Variants in CUL5 observed in about 807,000 individuals in gnomAD.
CUL5 encodes the protein cullin 5, also known as cullin-5.
A neutral mutation model predicts 108.8 loss-of-function variants in CUL5; 26 were observed. The ratio of observed to expected loss-of-function variants is 0.24; its 90% CI spans 0.18 to 0.33. The LOEUF (loss-of-function observed/expected upper bound fraction) is 0.33, where lower values mean the gene tolerates loss of function less well. Ranked by LOEUF, CUL5 falls within the 10% of genes least tolerant of loss-of-function variation. The pLI is 1.00. For missense variants in CUL5, 524 were observed against 909.2 expected (o/e 0.58, Z 5.45); for synonymous variants, 334 against 298.0 (o/e 1.12, Z -1.25).
chr11:108,099,661 T>A (rs1259819814), intron 18 of CUL5, among the ~76,000 whole-genome samples: 1 of 152,178 alleles, frequency 6.6e-6, no homozygotes, highest in Non-Finnish European at 1.5e-5. Flanking sequence ...TAAATATATA[T>A]ACCTATGTGA....
At position 108,041,881 on chromosome 11, in the gene CUL5, C is replaced by T. The variant is rs574510897; in HGVS notation, c.135-4389C>T. On this transcript the variant is annotated intron_variant, in intron 2 of 18. Coordinates refer to ENST00000393094, the MANE Select transcript of CUL5 (RefSeq NM_003478.6). ...TGCTGGGATTATAGGCGTGAACCAC[C>T]GCACCAGGCCCCATCAGCTTCTTAA... 6.6e-5 allele frequency among the ~76,000 whole-genome samples: 10 copies of T among 152,264 alleles called. 1 individual carries two copies. Among genetic ancestry groups the T allele is most frequent in the South Asian group, 2.1e-4 (1 of 4,826 alleles).
chr11:108,035,481 A>T (rs1862713122), intron 2 of CUL5, among the ~76,000 whole-genome samples: 2 of 152,140 alleles, frequency 1.3e-5, no homozygotes. Context: ...TTACGCCTGT[A>T]ATCCCAGAAC....
At chr11:108,037,390 C>T (rs1006846983) in intron 2 of CUL5, among the ~76,000 whole-genome samples, 1 of 152,194 alleles carries the variant, frequency 6.6e-6, no homozygotes, top group Non-Finnish European at 1.5e-5. Flanking sequence ...CTAACACCAG[C>T]TGTGTTGGCA....
Position 108,045,042 on chromosome 11 carries a change from C to T in CUL5, c.135-1228C>T, listed in dbSNP as rs1591294668. 3.3e-5 allele frequency among the ~76,000 whole-genome samples: 5 copies of T among 152,252 alleles called. No homozygotes were observed. The South Asian group carries it at 1.0e-3, about 32-fold the overall frequency. On this transcript the variant is annotated intron_variant, in intron 2 of 18. Coordinates refer to ENST00000393094, the MANE Select transcript of CUL5 (RefSeq NM_003478.6). ...CCTCCCCAAGTGCTTGGATTACAGG[C>T]TTGAGCCACTGCCCCTGGCCTACAA... is the stretch of plus-strand genomic sequence containing the variant.
intron 7 of CUL5, among the ~76,000 whole-genome samples, chr11:108,067,305 T>G (rs1863710404): frequency 6.6e-6 from 1 of 152,230 alleles, no homozygotes; most frequent in Non-Finnish European, 1.5e-5. Flanking sequence ...TCCTTTTATT[T>G]CCCTAATCCC....
At chr11:108,024,498 TGTAAA>T (rs1164552647) in intron 1 of CUL5, among the ~76,000 whole-genome samples, 4 of 152,230 alleles carry the variant, frequency 2.6e-5, no homozygotes, top group African/African-American at 9.6e-5. Context: ...AATTCATACT[TGTAAA>T]GTGTTTGGAA....
intron 11 of CUL5, among the ~76,000 whole-genome samples, chr11:108,080,766 T>A (rs1214533879): frequency 2.6e-5 from 4 of 152,210 alleles, no homozygotes; most frequent in African/African-American, 7.2e-5. Flanking sequence ...ATTCTGGTAC[T>A]GGATCCGTAT....
At chr11:108,022,308 C>T (rs906691961) in intron 1 of CUL5, among the ~76,000 whole-genome samples, 10 of 152,052 alleles carry the variant, frequency 6.6e-5, no homozygotes, top group African/African-American at 2.2e-4. Context: ...AAAAATGATT[C>T]TATTGAATCA....
rs756290653 is a variant in CUL5 at position 108,009,305 on chromosome 11, C to T, written c.-44C>T. The T allele has an allele frequency of 1.2e-6, 2 of 1,606,788 alleles. No individual in the cohort carries two copies. Among genetic ancestry groups the T allele is most frequent in the Non-Finnish European group, 1.7e-6 (2 of 1,176,474 alleles). On this transcript the variant is annotated 5_prime_UTR_variant, in exon 1 of 19. Coordinates refer to ENST00000393094, the MANE Select transcript of CUL5 (RefSeq NM_003478.6). The stretch of plus-strand genomic sequence containing the variant: ...TCCGGTCAAGGCCTGGCCGGGAGCG[C>T]CACGAATTCTCGCGTCGTCTCGCGA...
At chr11:108,069,994 TA>T in intron 7 of CUL5, 101 bp from the exon 8 acceptor site, 1 of 656,524 alleles carries the variant, frequency 1.5e-6, no homozygotes, top group Non-Finnish European at 2.6e-6. Flanking sequence ...ACTTTCAGTA[TA>T]ATTTTTTTTT....
chr11:108,013,972 T>C (rs566267355), intron 1 of CUL5, among the ~76,000 whole-genome samples: 2 of 152,314 alleles, frequency 1.3e-5, no homozygotes, highest in Admixed American at 1.3e-4. Flanking sequence ...CAAGGTACCA[T>C]GGAGAATGCA....
Position 108,033,901 on chromosome 11 carries a change from G to T in CUL5, c.124G>T (p.Asp42Tyr). 1 of 1,606,754 alleles carries T rather than the reference G, an allele frequency of 6.2e-7. No homozygotes were observed. The highest frequency in any genetic ancestry group is 8.5e-7 in the Non-Finnish European group (1 of 1,175,544). ...QESVTKQQWF[D>Y]LFSDVHAVCL... ...ATCTGTTACAAAACAGCAGTGGTTTGATCTGTTTTCGTAAGTACCCCACTA... is the reference window on the plus strand; with the variant it reads ...ATCTGTTACAAAACAGCAGTGGTTTTATCTGTTTTCGTAAGTACCCCACTA... Residue 42 changes from aspartate (D) to tyrosine (Y), a missense_variant, in exon 2 of 19, where the codon GAT (aspartate) becomes TAT (tyrosine). Asp to Tyr is a radical substitution (Grantham distance 160, BLOSUM62 -3). Around this residue, in one of 8 missense-constraint regions of CUL5, gnomAD observed 76 missense variants for 90.8 expected, o/e 0.84. Transcript: ENST00000393094.
intron 7 of CUL5, among the ~76,000 whole-genome samples, chr11:108,064,232 C>T (rs2135164027): frequency 6.6e-6 from 1 of 152,294 alleles, no homozygotes; most frequent in Non-Finnish European, 1.5e-5. Context: ...TTGTATCATG[C>T]AGGAATGTTG....
chr11:108,021,730 A>G (rs3858392), intron 1 of CUL5, among the ~76,000 whole-genome samples: 111,505 of 151,958 alleles, frequency 0.73, 41,638 homozygotes, highest in East Asian at 0.93. Flanking sequence ...TGCCCAGGCT[A>G]GTTTCAAACT....
chr11:108,102,564 C>CA (rs779444066), intron 18 of CUL5, among the ~76,000 whole-genome samples: 7 of 151,838 alleles, frequency 4.6e-5, no homozygotes, highest in African/African-American at 1.5e-4. Context: ...CTCCACGACT[C>CA]AAACGATCCA....
intron 14 of CUL5, 105 bp from the exon 15 acceptor site, chr11:108,094,707 A>G: frequency 3.1e-6 from 3 of 982,152 alleles, no homozygotes; most frequent in Non-Finnish European, 4.4e-6. Context: ...ACTTTTAACA[A>G]AATCTTTATA....
chr11:108,095,890 G>A (rs930860396), intron 16 of CUL5, among the ~76,000 whole-genome samples, 199 bp downstream of exon 16: 11 of 151,560 alleles, frequency 7.3e-5, no homozygotes, highest in African/African-American at 2.2e-4. Flanking sequence ...GAGGTCAGGA[G>A]TTCGAGACCA....
rs749490860 is a variant in CUL5 at position 108,073,509 on chromosome 11, T to C, written c.1113+12T>C. On this transcript the variant is annotated intron_variant, in intron 10 of 18. Coordinates refer to ENST00000393094, the MANE Select transcript of CUL5 (RefSeq NM_003478.6). ...CTGCAAGAGATAAGGTATATATTCC[T>C]ATATATATAAAAAACACTTTTAAAA... is the stretch of plus-strand genomic sequence containing the variant. 1.2e-5 allele frequency: 15 copies of C among 1,212,550 alleles called. No homozygotes were observed. The Middle Eastern group carries it at 2.0e-3, about 158-fold the overall frequency. The allele number at this position is 1,212,550 out of a possible 1,614,324, so 75.1% of individuals were successfully genotyped here.
intron 7 of CUL5, among the ~76,000 whole-genome samples, chr11:108,068,160 C>T (rs1334664879): frequency 6.6e-6 from 1 of 152,070 alleles, no homozygotes; most frequent in Non-Finnish European, 1.5e-5. Flanking sequence ...TCAGGTGATC[C>T]GCCCGCCTTA....
Sources: allele counts gnomAD v4.1 joint callset (sites outside exome capture counted in the v4.1 genomes callset), GRCh38; gene constraint gnomAD v4.1.1; regional missense constraint gnomAD v4.1.1; transcripts MANE v1.5; gene names NCBI Gene and HGNC (gene_info 2026-07-23, HGNC 2026-07-21).